The following OPCML variants were observed in gnomAD, a reference collection of about 807,000 sequenced individuals.
OPCML encodes opioid binding protein/cell adhesion molecule like.
OPCML carries 13 observed loss-of-function variants against 37.8 expected under a neutral mutation model. That is an observed-to-expected ratio of 0.34 (90% confidence interval 0.22 to 0.55). The LOEUF is 0.55. OPCML is among the 20% of genes least tolerant of loss of function. OPCML has a pLI of 0.91. For synonymous variants in OPCML, 176 were observed against 168.8 expected (o/e 1.04, Z -0.33); for missense variants, 341 against 435.6 (o/e 0.78, Z 1.93).
chr11:132,997,499 CA>C (rs774570966), intron 1 of OPCML, among the ~76,000 whole-genome samples: 49 of 152,324 alleles, frequency 3.2e-4, no homozygotes, highest in Non-Finnish European at 2.9e-4. Flanking sequence ...TGGCACATCC[CA>C]GATATGACTG....
intron 1 of OPCML, among the ~76,000 whole-genome samples, chr11:133,145,398 C>T (rs1949883197): frequency 6.6e-6 from 1 of 152,104 alleles, no homozygotes; most frequent in African/African-American, 2.4e-5. Context: ...AAGACAGAAC[C>T]TCTTAAAGGT....
intron 1 of OPCML, among the ~76,000 whole-genome samples, chr11:133,179,703 T>C (rs1937731384): frequency 6.6e-6 from 1 of 152,152 alleles, no homozygotes; most frequent in Non-Finnish European, 1.5e-5. Flanking sequence ...GAGCAGAGTG[T>C]GTGGAACACA....
chr11:133,326,410 G>T (rs1943456050), intron 1 of OPCML, among the ~76,000 whole-genome samples: 1 of 143,174 alleles, frequency 7.0e-6, no homozygotes, highest in Non-Finnish European at 1.5e-5. Context: ...GGAAACAGTG[G>T]GTGTGGATAT....
At chr11:133,242,256 C>T (rs1350610861) in intron 1 of OPCML, among the ~76,000 whole-genome samples, 1 of 152,062 alleles carries the variant, frequency 6.6e-6, no homozygotes, top group Non-Finnish European at 1.5e-5. Context: ...GAGAGGAAAA[C>T]GGAGCTTCAG....
chr11:133,306,434 G>T (rs1162226851), intron 1 of OPCML, among the ~76,000 whole-genome samples: 1 of 152,092 alleles, frequency 6.6e-6, no homozygotes, highest in Non-Finnish European at 1.5e-5. Flanking sequence ...ATTTGACGCG[G>T]TCACTCTAAA....
At chr11:132,598,084 C>A (rs188212052) in intron 3 of OPCML, among the ~76,000 whole-genome samples, 34 of 152,148 alleles carry the variant, frequency 2.2e-4, no homozygotes, top group African/African-American at 6.0e-4. Flanking sequence ...CTCATTCTAC[C>A]AATAATTATT....
At chr11:133,508,077 G>C (rs1948073703) in intron 1 of OPCML, among the ~76,000 whole-genome samples, 1 of 152,130 alleles carries the variant, frequency 6.6e-6, no homozygotes, top group Non-Finnish European at 1.5e-5. Context: ...TTCCTACCCG[G>C]ATCAACTACA....
chr11:133,291,560 C>T lies in OPCML; in HGVS notation c.61+240704G>A, dbSNP rs143816648. Among the ~76,000 whole-genome samples the T allele has an allele frequency of 4.6e-4, 70 of 152,322 alleles. No individual in the cohort carries two copies. In the East Asian group the frequency reaches 6.6e-3, roughly 14 times the overall value. On this transcript the variant is annotated intron_variant, in intron 1 of 7. Transcript: ENST00000524381. ...GCAGCTGACATGGTTGCAGGTTCTGCGCACTGCATGCTCTGTTCATTTTCT... is the reference window on the plus strand; with the variant it reads ...GCAGCTGACATGGTTGCAGGTTCTGTGCACTGCATGCTCTGTTCATTTTCT...
In OPCML at chr11:132,507,200, G is replaced by A. The variant is rs1453716524; in HGVS notation, c.505+21861C>T. Among the ~76,000 whole-genome samples, 3 of 151,344 alleles carry A rather than the reference G, an allele frequency of 2.0e-5. No homozygotes were observed. The East Asian group carries it at 5.8e-4, about 29-fold the overall frequency. On this transcript the variant is annotated intron_variant, in intron 4 of 7. Coordinates refer to ENST00000524381, the MANE Select transcript of OPCML (RefSeq NM_001012393.5). ...TTTATGTGTAAAATACAAAAATAAA[G>A]CAAAAAGTATTAAAATGCATAGATA...
intron 1 of OPCML, among the ~76,000 whole-genome samples, chr11:133,358,570 C>T (rs1015102549): frequency 6.6e-6 from 1 of 152,124 alleles, no homozygotes; most frequent in Non-Finnish European, 1.5e-5. Context: ...GAGAAACTTG[C>T]TGTTTTCATG....
chr11:132,825,602 C>A (rs1940263962), intron 2 of OPCML, among the ~76,000 whole-genome samples: 1 of 152,204 alleles, frequency 6.6e-6, no homozygotes, highest in African/African-American at 2.4e-5. Flanking sequence ...AATGGCCTTT[C>A]TTCTTTCCTC....
chr11:133,278,102 A>AC (rs1404508848), intron 1 of OPCML, among the ~76,000 whole-genome samples: 5 of 152,180 alleles, frequency 3.3e-5, no homozygotes, highest in Non-Finnish European at 7.3e-5. Flanking sequence ...CCGTTGTCCC[A>AC]CTGTAGCGTA....
At position 132,417,087 on chromosome 11, in the gene OPCML, G is replaced by C. The variant is rs117373852; in HGVS notation, c.*3106C>G. 6.6e-6 allele frequency: 1 copy of C among 152,590 alleles called. No individual in the cohort carries two copies. The highest frequency in any genetic ancestry group is 2.4e-5 in the African/African-American group (1 of 41,432). 9.5% of individuals were successfully genotyped at this position (152,590 alleles called of 1,614,324 possible). A position where few individuals can be genotyped will look rare whatever the true frequency, so the allele number is the denominator to read the frequency against. ...TGGAAAACCTGCAAGAGATGTACTT[G>C]CTCAGACTTGTATGTTTTGTCCTGC... On this transcript the variant is annotated 3_prime_UTR_variant, in exon 8 of 8. Transcript: ENST00000524381.
At chr11:132,833,469 C>A (rs1267855365) in intron 2 of OPCML, among the ~76,000 whole-genome samples, 1 of 152,206 alleles carries the variant, frequency 6.6e-6, no homozygotes, top group Non-Finnish European at 1.5e-5. Flanking sequence ...CTCCTGAAGG[C>A]CCTGCCTGAG....
intron 2 of OPCML, among the ~76,000 whole-genome samples, chr11:132,733,197 G>C (rs1184996655): frequency 6.6e-6 from 1 of 152,006 alleles, no homozygotes; most frequent in Non-Finnish European, 1.5e-5. Flanking sequence ...AGAAGCCTTG[G>C]CTAAAGATTT....
At chr11:132,863,078 C>T (rs1194421422) in intron 2 of OPCML, among the ~76,000 whole-genome samples, 3 of 152,158 alleles carry the variant, frequency 2.0e-5, no homozygotes, top group Non-Finnish European at 4.4e-5. Context: ...TCAGTATCTG[C>T]CCCACTGAGC....
rs915270173 is a variant in OPCML at position 132,813,818 on chromosome 11, C to G, written c.146+129108G>C. Among the ~76,000 whole-genome samples the G allele has an allele frequency of 2.0e-5, 3 of 152,158 alleles. No homozygotes were observed. The East Asian group carries it at 5.8e-4, about 29-fold the overall frequency. On this transcript the variant is annotated intron_variant, in intron 2 of 7. Coordinates refer to ENST00000524381, the MANE Select transcript of OPCML (RefSeq NM_001012393.5). ...CTTCCCCCGGTGTATTGCTCTCCCC[C>G]ATCCTACCTTCCCTGGGATAATTAC...
intron 3 of OPCML, among the ~76,000 whole-genome samples, chr11:132,551,826 C>T (rs1367153238): frequency 1.3e-5 from 2 of 152,276 alleles, no homozygotes; most frequent in Middle Eastern, 3.4e-3. Flanking sequence ...AATAATAAAA[C>T]TCTGGTTTCC....
chr11:132,856,523 C>A (rs76589214), intron 2 of OPCML, among the ~76,000 whole-genome samples: 1 of 152,096 alleles, frequency 6.6e-6, no homozygotes, highest in African/African-American at 2.4e-5. Context: ...CAGGGAAAGA[C>A]AGTCTCCCAA....
Sources: gnomAD v4.1 joint callset for allele counts (sites outside exome capture counted in the v4.1 genomes callset) on GRCh38, gnomAD v4.1.1 for gene constraint, MANE v1.5 for transcripts, NCBI Gene and HGNC (gene_info 2026-07-23, HGNC 2026-07-21) for gene names.